Variants in DOCK8 observed in about 807,000 individuals in gnomAD.
DOCK8 encodes dedicator of cytokinesis protein 8.
A neutral mutation model predicts 245.6 loss-of-function variants in DOCK8; 141 were observed. The ratio of observed to expected loss-of-function variants is 0.57; its 90% CI spans 0.50 to 0.66. The LOEUF is 0.66. Among genes scored for constraint, DOCK8 ranks in the 30% least tolerant of loss-of-function variants. The probability of loss-of-function intolerance (pLI) is 0.00; values close to 1 mark genes in which losing one functional copy is unlikely to be tolerated. For synonymous variants in DOCK8, 1,168 were observed against 970.2 expected, an observed-to-expected ratio of 1.20 and a Z score of -3.79; for missense variants, 2,965 against 2,603.4, an observed-to-expected ratio of 1.14 and a Z score of -3.02.
intron 36 of DOCK8, among the ~76,000 whole-genome samples, chr9:430,201 C>G (rs1258889372): frequency 6.6e-6 from 1 of 152,020 alleles, no homozygotes; most frequent in East Asian, 1.9e-4. Flanking sequence ...ATGGTGAAAT[C>G]CTGTCTCTAC....
In DOCK8 at chr9:271,651, A is replaced by G. The variant is rs369163495; in HGVS notation, c.78A>G (p.Lys26=). The change falls in exon 2 of 48, where the codon AAA becomes AAG. Residue 26 remains lysine, a synonymous_variant. Transcript: ENST00000432829. The part of the protein sequence containing the change: ...INRYSSAEIR[K]QFTLPPNLGQ... ...GGTATTCTTCAGCGGAAATAAGGAA[A>G]CAGTTTACTCTCCCACCAAACCTTG... 1.3e-6 allele frequency: 2 copies of G among 1,551,252 alleles called. No homozygotes were observed. Among genetic ancestry groups the G allele is most frequent in the Non-Finnish European group, 1.7e-6 (2 of 1,146,520 alleles).
At chr9:211,482 T>G (rs1010894568), upstream of DOCK8, among the ~76,000 whole-genome samples, 1 of 152,026 alleles carries the variant, frequency 6.6e-6, no homozygotes, top group Non-Finnish European at 1.5e-5. Context: ...ACAGATGAGA[T>G]AGGAGAAAGA....
intron 24 of DOCK8, among the ~76,000 whole-genome samples, chr9:394,806 C>T (rs2054372062): frequency 6.6e-6 from 1 of 152,222 alleles, no homozygotes; most frequent in African/African-American, 2.4e-5. Context: ...GCCAGGCCTC[C>T]ACTAGTGTTT....
chr9:274,590 C>G (rs550822924), intron 2 of DOCK8, among the ~76,000 whole-genome samples: 1 of 151,432 alleles, frequency 6.6e-6, no homozygotes, highest in East Asian at 1.9e-4. Flanking sequence ...CTGTTCTTCC[C>G]CTTGAGTCAT....
At chr9:346,279 G>A (rs2051881394) in intron 14 of DOCK8, among the ~76,000 whole-genome samples, 1 of 152,116 alleles carries the variant, frequency 6.6e-6, no homozygotes, top group African/African-American at 2.4e-5. Context: ...CCAACTCCTG[G>A]CTTATTTTCC....
At chr9:401,279 A>T (rs999001382) in intron 26 of DOCK8, among the ~76,000 whole-genome samples, 3 of 152,238 alleles carry the variant, frequency 2.0e-5, no homozygotes, top group Non-Finnish European at 4.4e-5. Context: ...TACAAGCTTC[A>T]TTGAGCAGCA....
intron 33 of DOCK8, among the ~76,000 whole-genome samples, chr9:422,926 A>G (rs541928487): frequency 2.0e-4 from 30 of 151,040 alleles, no homozygotes; most frequent in African/African-American, 6.6e-4. Context: ...CAGAGGTTGC[A>G]GTGAGCCAAG....
intron 7 of DOCK8, among the ~76,000 whole-genome samples, chr9:323,153 AATC>A (rs921197567): frequency 5.9e-5 from 9 of 151,598 alleles, no homozygotes; most frequent in African/African-American, 2.2e-4. Context: ...TAGAAAGAAT[AATC>A]ATAGAAATCC....
intron 30 of DOCK8, 25 bp downstream of exon 30, chr9:418,232 TTGA>T: frequency 6.2e-7 from 1 of 1,613,924 alleles, no homozygotes. Flanking sequence ...ATGTGTCTGG[TTGA>T]TTTTTCATTT....
chr9:223,216 A>G (rs146989810), intron 1 of DOCK8, among the ~76,000 whole-genome samples: 116 of 152,342 alleles, frequency 7.6e-4, no homozygotes, highest in African/African-American at 2.6e-3. Flanking sequence ...ACTGGAACTA[A>G]ATTAAGAAAA....
At chr9:236,415 G>A (rs1307033865) in intron 1 of DOCK8, among the ~76,000 whole-genome samples, 2 of 152,164 alleles carry the variant, frequency 1.3e-5, no homozygotes, top group East Asian at 3.8e-4. Context: ...CCAGCACATT[G>A]TCACCCCCAA....
At chr9:403,880 CTCTCTCTCTCTCTA>C (rs1436583299) in intron 26 of DOCK8, among the ~76,000 whole-genome samples, 9 of 90,136 alleles carry the variant, frequency 1.0e-4, no homozygotes, top group Non-Finnish European at 1.7e-4. Context: ...CTCTCTCTCT[CTCTCTCTCTCTCTA>C]TATATATATA....
In DOCK8 at chr9:399,247, T is replaced by G; in HGVS notation, c.3222T>G (p.His1074Gln). The change falls in exon 26 of 48, where the codon CAT (histidine) becomes CAG (glutamine). Residue 1074 changes from histidine to glutamine, a missense_variant. This residue lies in a region of DOCK8 where 2,825 missense variants were observed against 2,453.5 expected (regional missense o/e 1.15). Transcript: ENST00000432829. Reference sequence around the variant, plus strand: ...GCTTTGTGTTTAACCTCATCAGACATTATTGCAGCCAGGTGAGTGTCCCCC... The same window carrying G: ...GCTTTGTGTTTAACCTCATCAGACAGTATTGCAGCCAGGTGAGTGTCCCCC... ...DRGFVFNLIR[H>Q]YCSQLSAKLS... 1 of 1,613,322 alleles carries G rather than the reference T, an allele frequency of 6.2e-7. No homozygotes were observed. The highest frequency in any genetic ancestry group is 8.5e-7 in the Non-Finnish European group (1 of 1,179,620).
chr9:218,166 C>T (rs112917627), intron 1 of DOCK8, among the ~76,000 whole-genome samples: 117 of 152,130 alleles, frequency 7.7e-4, no homozygotes, highest in African/African-American at 2.6e-3. Flanking sequence ...AAAAGTAAGA[C>T]TGTGTTGAAA....
rs375826924 is a variant in DOCK8 at position 325,770 on chromosome 9, C to A, written c.894+33C>A. 114 of 1,551,478 alleles carry A rather than the reference C, an allele frequency of 7.3e-5. No individual in the cohort carries two copies. In the African/African-American group the frequency reaches 1.4e-3, roughly 19 times the overall value. On this transcript the variant is annotated intron_variant, in intron 8 of 47. Coordinates refer to ENST00000432829, the MANE Select transcript of DOCK8 (RefSeq NM_203447.4). ...AGCAAAGAAAAATCCATCCCTAAGG[C>A]ACATATATTGTTCATGATTCTTTGC...
chr9:274,404 T>C (rs1159177887), intron 2 of DOCK8, among the ~76,000 whole-genome samples: 2 of 152,122 alleles, frequency 1.3e-5, no homozygotes, highest in Admixed American at 6.6e-5. Context: ...AACTTCAGTA[T>C]ATGGCTCTTG....
intron 8 of DOCK8, 25 bp from the exon 9 acceptor site, chr9:327,997 A>G (rs1197500588): frequency 6.2e-7 from 1 of 1,610,218 alleles, no homozygotes; most frequent in Non-Finnish European, 8.5e-7. Context: ...TCTAACTTAT[A>G]TTTCACTTTG....
chr9:284,901 C>T (rs1435932120), intron 2 of DOCK8, among the ~76,000 whole-genome samples: 2 of 152,100 alleles, frequency 1.3e-5, no homozygotes, highest in Non-Finnish European at 2.9e-5. Flanking sequence ...TGAGAACTTA[C>T]CAACACAAAG....
chr9:364,192 T>C (rs1003911492), intron 14 of DOCK8, among the ~76,000 whole-genome samples: 1 of 152,184 alleles, frequency 6.6e-6, no homozygotes, highest in Non-Finnish European at 1.5e-5. Flanking sequence ...GAGACCAGTA[T>C]ATATTATGGC....
Sources: gnomAD v4.1 joint callset for allele counts (sites outside exome capture counted in the v4.1 genomes callset) on GRCh38, gnomAD v4.1.1 for gene constraint, gnomAD v4.1.1 regional missense constraint, MANE v1.5 for transcripts, NCBI Gene and HGNC (gene_info 2026-07-23, HGNC 2026-07-21) for gene names.